The following PLCB4 variants were observed in gnomAD, a reference collection of about 807,000 sequenced individuals.
The protein encoded by PLCB4 is phospholipase C beta 4, also known as 1-phosphatidylinositol 4,5-bisphosphate phosphodiesterase beta-4.
PLCB4 carries 77 observed loss-of-function variants against 178.8 expected under a neutral mutation model. The ratio of observed to expected loss-of-function variants is 0.43; its 90% confidence interval spans 0.36 to 0.52. The LOEUF is 0.52. Among genes scored for constraint, PLCB4 ranks in the 20% least tolerant of loss-of-function variants. The pLI is 0.00. For synonymous variants in PLCB4, 496 were observed against 490.8 expected, an observed-to-expected ratio of 1.01 and a Z score of -0.14; for missense variants, 1,024 against 1,453.4, an observed-to-expected ratio of 0.70 and a Z score of 4.80.
At position 9,222,036 on chromosome 20, in the gene PLCB4, G is replaced by GTTTTA. The variant is rs869180528; in HGVS notation, c.-16+4654_-16+4658dup. Reference sequence around the variant, plus strand: ...ACCTTCTATTTATTTATTTTATTTTGTTTTATTTTATTTTATTTTATTTTA... The same window carrying GTTTTA: ...ACCTTCTATTTATTTATTTTATTTTGTTTTATTTTATTTTATTTTATTTTATTTTA... On this transcript the variant is annotated intron_variant, in intron 3 of 39. Coordinates refer to ENST00000378473, the MANE Select transcript of PLCB4 (RefSeq NM_001377142.1). Among the ~76,000 whole-genome samples, 382 of 97,282 alleles carry GTTTTA rather than the reference G, an allele frequency of 3.9e-3. 7 individuals carry two copies. The highest frequency in any genetic ancestry group is 7.1e-3 in the African/African-American group (204 of 28,778). 63.8% of individuals were successfully genotyped at this position (97,282 alleles called of 152,430 possible).
At chr20:9,262,025 C>T (rs1474343840) in intron 3 of PLCB4, among the ~76,000 whole-genome samples, 2 of 152,104 alleles carry the variant, frequency 1.3e-5, no homozygotes, top group Non-Finnish European at 1.5e-5. Flanking sequence ...GTGAATTCCA[C>T]CTGATCCAAG....
At chr20:9,164,472 T>C (rs912316851) in intron 2 of PLCB4, among the ~76,000 whole-genome samples, 12 of 152,330 alleles carry the variant, frequency 7.9e-5, no homozygotes, top group Non-Finnish European at 1.3e-4. Context: ...AAAATATTTT[T>C]CTCATCATAT....
chr20:9,158,448 T>TTA (rs948719940), intron 2 of PLCB4, among the ~76,000 whole-genome samples: 4 of 150,466 alleles, frequency 2.7e-5, no homozygotes, highest in East Asian at 1.9e-4. Context: ...TTTTTTTTTT[T>TTA]AATAGATTTG....
At chr20:9,324,598 G>A (rs994481121) in intron 4 of PLCB4, among the ~76,000 whole-genome samples, 1 of 152,158 alleles carries the variant, frequency 6.6e-6, no homozygotes, top group Non-Finnish European at 1.5e-5. Flanking sequence ...CAGGGTAAGA[G>A]GTCCTCAGGA....
chr20:9,311,813 G>A (rs1331384969), intron 4 of PLCB4, among the ~76,000 whole-genome samples: 1 of 152,152 alleles, frequency 6.6e-6, no homozygotes, highest in Non-Finnish European at 1.5e-5. Context: ...GAAGGAGACT[G>A]CCATCATAGA....
chr20:9,151,008 T>A (rs1339358310), intron 2 of PLCB4, among the ~76,000 whole-genome samples: 1 of 152,144 alleles, frequency 6.6e-6, no homozygotes, highest in Non-Finnish European at 1.5e-5. Flanking sequence ...GTGATTTAAT[T>A]TCTGGGTTTC....
intron 32 of PLCB4, among the ~76,000 whole-genome samples, chr20:9,451,371 TC>T (rs2042760721): frequency 6.6e-6 from 1 of 152,222 alleles, no homozygotes; most frequent in Admixed American, 6.5e-5. Context: ...GCCTTCACCC[TC>T]CTTTCAATGA....
intron 2 of PLCB4, among the ~76,000 whole-genome samples, chr20:9,210,447 A>T (rs1210015129): frequency 6.6e-6 from 1 of 152,046 alleles, no homozygotes; most frequent in African/African-American, 2.4e-5. Flanking sequence ...TCATTTAGGG[A>T]TCACTCACTT....
chr20:9,322,364 C>T (rs962575335), intron 4 of PLCB4, among the ~76,000 whole-genome samples: 4 of 152,108 alleles, frequency 2.6e-5, no homozygotes, highest in Non-Finnish European at 4.4e-5. Context: ...AAAATATTGT[C>T]AGCGAGAAAG....
At chr20:9,165,689 G>A (rs1003629954) in intron 2 of PLCB4, among the ~76,000 whole-genome samples, 1 of 151,954 alleles carries the variant, frequency 6.6e-6, no homozygotes, top group South Asian at 2.1e-4. Flanking sequence ...AAAACATCCT[G>A]GAACCTTGTT....
At chr20:9,430,803 T>A (rs1444079082) in intron 28 of PLCB4, among the ~76,000 whole-genome samples, 3 of 152,158 alleles carry the variant, frequency 2.0e-5, no homozygotes, top group Non-Finnish European at 4.4e-5. Flanking sequence ...CATTGCTGCA[T>A]AAACAGGAGG....
chr20:9,294,035 G>A (rs890637684), intron 3 of PLCB4, among the ~76,000 whole-genome samples: 1 of 152,116 alleles, frequency 6.6e-6, no homozygotes, highest in African/African-American at 2.4e-5. Flanking sequence ...CTGAGGGCAC[G>A]TTTCTTCTAG....
intron 1 of PLCB4, among the ~76,000 whole-genome samples, chr20:9,095,579 A>G (rs2090877759): frequency 6.6e-6 from 1 of 152,224 alleles, no homozygotes; most frequent in Non-Finnish European, 1.5e-5. Flanking sequence ...ATGTAAAGTT[A>G]AAATAATTTA....
At chr20:9,296,309 A>G (rs2094634184) in intron 3 of PLCB4, among the ~76,000 whole-genome samples, 1 of 152,232 alleles carries the variant, frequency 6.6e-6, no homozygotes, top group African/African-American at 2.4e-5. Flanking sequence ...CACAATTGAG[A>G]TACCATCTCA....
intron 2 of PLCB4, among the ~76,000 whole-genome samples, chr20:9,109,950 AG>A (rs1316442051): frequency 6.6e-6 from 1 of 152,122 alleles, no homozygotes; most frequent in Admixed American, 6.6e-5. Flanking sequence ...AAGGGTATGG[AG>A]GCCCAGTTTA....
chr20:9,167,544 C>T (rs979138277), intron 2 of PLCB4, among the ~76,000 whole-genome samples: 7 of 152,198 alleles, frequency 4.6e-5, no homozygotes, highest in Non-Finnish European at 7.4e-5. Context: ...TGAACATGAA[C>T]GCGTACTTAT....
chr20:9,185,181 G>A (rs1303313992), intron 2 of PLCB4, among the ~76,000 whole-genome samples: 1 of 152,204 alleles, frequency 6.6e-6, no homozygotes, highest in Non-Finnish European at 1.5e-5. Flanking sequence ...TGGATTATAG[G>A]TGAGAGCTAC....
intron 2 of PLCB4, among the ~76,000 whole-genome samples, chr20:9,174,751 AT>A: frequency 6.6e-6 from 1 of 152,316 alleles, no homozygotes; most frequent in Admixed American, 6.5e-5. Flanking sequence ...AATGATATAC[AT>A]TTTGAACTTA....
At chr20:9,159,330 T>C (rs1412756687) in intron 2 of PLCB4, among the ~76,000 whole-genome samples, 7 of 152,188 alleles carry the variant, frequency 4.6e-5, no homozygotes, top group Non-Finnish European at 7.4e-5. Context: ...TTGGAGACCA[T>C]TGGGACTAGT....
Sources: gnomAD v4.1 joint callset for allele counts (sites outside exome capture counted in the v4.1 genomes callset) on GRCh38, gnomAD v4.1.1 for gene constraint, MANE v1.5 for transcripts, NCBI Gene and HGNC (gene_info 2026-07-23, HGNC 2026-07-21) for gene names.